The following TUSC3 variants were observed in gnomAD, a reference collection of about 807,000 sequenced individuals.
TUSC3 encodes tumor suppressor candidate 3, also known as dolichyl-diphosphooligosaccharide--protein glycosyltransferase subunit TUSC3.
TUSC3 carries 45 observed loss-of-function variants against 44.8 expected under a neutral mutation model. That is an observed-to-expected ratio of 1.00 (90% CI 0.79 to 1.29). The LOEUF (loss-of-function observed/expected upper bound fraction) is 1.29. Among genes scored for constraint, TUSC3 ranks in the 50% most tolerant of loss-of-function variants. The probability of loss-of-function intolerance (pLI) is 0.00; values close to 1 mark genes in which losing one functional copy is unlikely to be tolerated. For synonymous variants in TUSC3, 212 were observed against 152.9 expected (o/e 1.39, Z -2.85); for missense variants, 519 against 437.9 (o/e 1.19, Z -1.65).
chr8:15,699,744 G>C (rs1236998519), intron 6 of TUSC3, among the ~76,000 whole-genome samples: 2 of 152,120 alleles, frequency 1.3e-5, no homozygotes, highest in African/African-American at 4.8e-5. Context: ...TTTACAAAGA[G>C]TATGGACTTT....
At chr8:15,562,981 G>C (rs192168785) in intron 1 of TUSC3, among the ~76,000 whole-genome samples, 1 of 147,786 alleles carries the variant, frequency 6.8e-6, no homozygotes, top group African/African-American at 2.5e-5. Flanking sequence ...CTATATCACA[G>C]GTCTTGTCCA....
At chr8:15,434,804 C>T (rs61481472) in intron 1 of TUSC3, among the ~76,000 whole-genome samples, 12,192 of 151,858 alleles carry the variant, frequency 0.08, 494 homozygotes, top group East Asian at 0.16. Context: ...TTTGTGCTTG[C>T]AATAGTTTGC....
At chr8:15,501,018 TC>T (rs1284369512) in intron 2 of TUSC3, among the ~76,000 whole-genome samples, 1 of 152,162 alleles carries the variant, frequency 6.6e-6, no homozygotes, top group Non-Finnish European at 1.5e-5. Context: ...ATAACAGTTT[TC>T]CTTTGTATTC....
At position 15,461,938 on chromosome 8, in the gene TUSC3, C is replaced by T. The variant is rs144292787; in HGVS notation, n.92-21448C>T. ...TAGTATGGATATGTGGTGATTATAG[C>T]AAAGTTGTGAAGATGAAAAATAAGT... On this transcript the variant is annotated intron_variant and non_coding_transcript_variant, in intron 1 of 5. Coordinates refer to the TUSC3 transcript ENST00000503191. Among the ~76,000 whole-genome samples, 709 of 151,970 alleles carry T rather than the reference C, an allele frequency of 4.7e-3. 1 individual carries two copies. The highest frequency in any genetic ancestry group is 8.1e-3 in the Non-Finnish European group (550 of 67,894).
chr8:15,478,953 G>C (rs951267442), intron 1 of TUSC3, among the ~76,000 whole-genome samples: 1 of 152,040 alleles, frequency 6.6e-6, no homozygotes, highest in Non-Finnish European at 1.5e-5. Context: ...GTTGTTTCTT[G>C]ACTTTTTAAT....
At chr8:15,741,167 A>G (rs953406283) in intron 7 of TUSC3, among the ~76,000 whole-genome samples, 3 of 152,050 alleles carry the variant, frequency 2.0e-5, no homozygotes, top group Admixed American at 6.6e-5. Context: ...GTACATGTGC[A>G]TTTATATGTG....
chr8:15,824,009 T>C, the TUSC3 span, among the ~76,000 whole-genome samples: 1 of 152,258 alleles, frequency 6.6e-6, no homozygotes, highest in East Asian at 1.9e-4. Flanking sequence ...TTTAAAAAGG[T>C]TTTGGTTCTC....
At chr8:15,454,317 C>A (rs148367687) in intron 1 of TUSC3, among the ~76,000 whole-genome samples, 113 of 152,246 alleles carry the variant, frequency 7.4e-4, no homozygotes, top group African/African-American at 2.1e-3. Context: ...ACTGTAAAAC[C>A]TGCCCTGCTT....
At chr8:15,649,111 C>G (rs1563153288) in intron 2 of TUSC3, among the ~76,000 whole-genome samples, 1 of 152,166 alleles carries the variant, frequency 6.6e-6, no homozygotes, top group African/African-American at 2.4e-5. Context: ...ATGTTAGTTA[C>G]AGTTACACTT....
intron 10 of TUSC3, chr8:15,758,121 A>ACTTT: frequency 5.1e-6 from 6 of 1,181,746 alleles, no homozygotes; most frequent in Non-Finnish European, 6.3e-6. Flanking sequence ...CAACAAATAT[A>ACTTT]CTTTCTTAAC....
chr8:15,531,875 T>G (rs1801455201), intron 2 of TUSC3, among the ~76,000 whole-genome samples: 1 of 152,144 alleles, frequency 6.6e-6, no homozygotes, highest in Non-Finnish European at 1.5e-5. Flanking sequence ...ACTTTGACAT[T>G]AGAAAGATGT....
chr8:15,850,247 C>T, the TUSC3 span, among the ~76,000 whole-genome samples: 2 of 151,768 alleles, frequency 1.3e-5, no homozygotes, highest in Non-Finnish European at 2.9e-5. Flanking sequence ...TATTATGTAA[C>T]ATTAGTATCC....
chr8:15,499,491 G>A (rs561555840), intron 2 of TUSC3, among the ~76,000 whole-genome samples: 2 of 152,140 alleles, frequency 1.3e-5, no homozygotes, highest in Non-Finnish European at 2.9e-5. Flanking sequence ...CTACAGAGCA[G>A]CTTTGCCTAT....
chr8:15,582,922 C>T (rs1428345510), intron 1 of TUSC3, among the ~76,000 whole-genome samples: 1 of 152,176 alleles, frequency 6.6e-6, no homozygotes, highest in Non-Finnish European at 1.5e-5. Flanking sequence ...CTGAAGACCA[C>T]TCAGTCTGTA....
chr8:15,621,918 A>G (rs896016771), intron 1 of TUSC3, among the ~76,000 whole-genome samples: 2 of 151,446 alleles, frequency 1.3e-5, no homozygotes, highest in Non-Finnish European at 2.9e-5. Context: ...CCTCCCTTCC[A>G]TTTCTTTCCA....
At chr8:15,577,718 C>T (rs1322745139) in intron 1 of TUSC3, among the ~76,000 whole-genome samples, 1 of 142,836 alleles carries the variant, frequency 7.0e-6, no homozygotes, top group African/African-American at 2.6e-5. Flanking sequence ...TTACTGTAGC[C>T]TTGTAGTATA....
chr8:15,555,122 A>C (rs1802201425), intron 1 of TUSC3, among the ~76,000 whole-genome samples: 1 of 145,190 alleles, frequency 6.9e-6, no homozygotes, highest in Non-Finnish European at 1.5e-5. Context: ...CGTAGGTGAC[A>C]ATATTATAAT....
chr8:15,427,439 C>T (rs1799817630), intron 1 of TUSC3, among the ~76,000 whole-genome samples: 1 of 151,892 alleles, frequency 6.6e-6, no homozygotes, highest in Non-Finnish European at 1.5e-5. Context: ...ATAGAAAACA[C>T]CAGAAACTGG....
chr8:15,791,919 G>A, the TUSC3 span, among the ~76,000 whole-genome samples: 1 of 152,088 alleles, frequency 6.6e-6, no homozygotes, highest in Non-Finnish European at 1.5e-5. Context: ...CTCTTCCAGT[G>A]TGAAAACTCA....
Sources: allele counts gnomAD v4.1 joint callset (sites outside exome capture counted in the v4.1 genomes callset), GRCh38; gene constraint gnomAD v4.1.1; transcripts MANE v1.5; gene names NCBI Gene and HGNC (gene_info 2026-07-23, HGNC 2026-07-21).